The following C2orf74 variants were observed in gnomAD, a reference collection of about 807,000 sequenced individuals.
The protein encoded by C2orf74 is DPM1 ER membrane anchor 1, also known as uncharacterized protein C2orf74.
Under a neutral mutation model 17.9 loss-of-function variants are expected in C2orf74, and 14 were observed. The observed-to-expected ratio is 0.78, with a 90% confidence interval of 0.52 to 1.22. The LOEUF is 1.22. Among genes scored for constraint, C2orf74 ranks in the 50% most tolerant of loss-of-function variants. The pLI is 0.00. For missense variants in C2orf74, 217 were observed against 218.4 expected, an observed-to-expected ratio of 0.99 and a Z score of 0.04; for synonymous variants, 79 against 72.6, an observed-to-expected ratio of 1.09 and a Z score of -0.44.
chr2:61,158,067 C>A, upstream of C2orf74: 1 of 460,622 alleles, frequency 2.2e-6, no homozygotes, highest in Non-Finnish European at 4.5e-6. Flanking sequence ...TATCTGACCC[C>A]AACATGGCAG....
intron 1 of C2orf74, among the ~76,000 whole-genome samples, chr2:61,155,501 G>C (rs1685364418): frequency 7.6e-6 from 1 of 130,884 alleles, no homozygotes. Flanking sequence ...AAGAAATCAA[G>C]GCTTTTTGTT....
intron 1 of C2orf74, among the ~76,000 whole-genome samples, chr2:61,147,753 G>A (rs1685112430): frequency 6.6e-6 from 1 of 151,946 alleles, no homozygotes; most frequent in Non-Finnish European, 1.5e-5. Context: ...ACCAGTCTGT[G>A]GGTTGCCTTT....
chr2:61,149,574 CTTTTTTTTTT>C (rs70959895), intron 1 of C2orf74, among the ~76,000 whole-genome samples: 4 of 79,998 alleles, frequency 5.0e-5, no homozygotes, highest in Admixed American at 2.9e-4. Context: ...GGGCGCCTTT[CTTTTTTTTTT>C]TTTTTTTTTT....
At chr2:61,164,244 G>T in intron 4 of C2orf74, 110 bp from the exon 5 acceptor site, 2 of 876,734 alleles carry the variant, frequency 2.3e-6, no homozygotes. Context: ...ATATCATTTA[G>T]AAATGCTTTT....
intron 1 of C2orf74, among the ~76,000 whole-genome samples, chr2:61,152,777 G>A (rs1291590957): frequency 6.7e-6 from 1 of 148,960 alleles, no homozygotes; most frequent in African/African-American, 2.5e-5. Flanking sequence ...GAACCTGGGA[G>A]GAGGAGGATG....
chr2:61,160,612 G>A (rs1203648753), upstream of C2orf74, among the ~76,000 whole-genome samples: 3 of 151,716 alleles, frequency 2.0e-5, no homozygotes, highest in Admixed American at 6.6e-5. Flanking sequence ...AGGTTCAAGC[G>A]ATTTTCCTGC....
At chr2:61,154,444 C>T (rs1287136387) in intron 1 of C2orf74, among the ~76,000 whole-genome samples, 1 of 151,980 alleles carries the variant, frequency 6.6e-6, no homozygotes, top group Admixed American at 6.6e-5. Flanking sequence ...CCAAAAAAGA[C>T]ATTAGGTAAA....
chr2:61,146,178 A>G (rs1369594052), intron 1 of C2orf74, among the ~76,000 whole-genome samples: 1 of 152,250 alleles, frequency 6.6e-6, no homozygotes, highest in South Asian at 2.1e-4. Flanking sequence ...CATACACACA[A>G]TGGAACATTA....
upstream of C2orf74, among the ~76,000 whole-genome samples, chr2:61,159,998 A>G (rs72884937): frequency 0.012 from 1,821 of 152,274 alleles, 46 homozygotes; most frequent in African/African-American, 0.041. Flanking sequence ...TCCCTGCAGT[A>G]CCTGCTAACC....
chr2:61,145,227 GTCA>G (rs1685033092), intron 1 of C2orf74: 1 of 152,184 alleles, frequency 6.6e-6, no homozygotes, highest in Admixed American at 6.6e-5. Flanking sequence ...GAGTTTTAGC[GTCA>G]TCTTTTGTCC....
At chr2:61,151,746 T>C (rs1685234461) in intron 1 of C2orf74, 1 of 152,212 alleles carries the variant, frequency 6.6e-6, no homozygotes, top group African/African-American at 2.4e-5. Flanking sequence ...AAGCCACATT[T>C]GTTTTATGAC....
intron 2 of C2orf74, 69 bp from the exon 3 acceptor site, chr2:61,162,773 G>C: frequency 1.5e-6 from 2 of 1,326,308 alleles, no homozygotes; most frequent in South Asian, 2.5e-5. Flanking sequence ...TAAACGTGAA[G>C]TTTCTATACC....
At chr2:61,159,037 G>T (rs766854106), upstream of C2orf74, among the ~76,000 whole-genome samples, 1 of 152,004 alleles carries the variant, frequency 6.6e-6, no homozygotes, top group Non-Finnish European at 1.5e-5. Flanking sequence ...TCACTCTGTC[G>T]CCAGGCTGGA....
intron 1 of C2orf74, among the ~76,000 whole-genome samples, chr2:61,153,988 C>T (rs1251984404): frequency 6.6e-5 from 10 of 152,074 alleles, no homozygotes; most frequent in Admixed American, 6.6e-4. Flanking sequence ...CCTGTAATCC[C>T]AGCACTTTAA....
intron 4 of C2orf74, among the ~76,000 whole-genome samples, chr2:61,163,581 A>G (rs1014231895): frequency 1.3e-5 from 2 of 151,766 alleles, no homozygotes; most frequent in Non-Finnish European, 2.9e-5. Flanking sequence ...CAGCCTGGTG[A>G]CAGAGGGAGA....
chr2:61,162,779 A>G (rs1219398914), intron 2 of C2orf74, 63 bp from the exon 3 acceptor site: 15 of 1,363,176 alleles, frequency 1.1e-5, no homozygotes, highest in Non-Finnish European at 1.5e-5. Context: ...TGAAGTTTCT[A>G]TACCACACCT....
upstream of C2orf74, chr2:61,157,989 A>G (rs146656688): frequency 1.2e-3 from 546 of 471,234 alleles, 7 homozygotes; most frequent in Middle Eastern, 2.6e-3. Context: ...TGGCCACCAT[A>G]GCAAAGAAGT....
chr2:61,159,539 G>A (rs1479348694), upstream of C2orf74: 7 of 161,844 alleles, frequency 4.3e-5, no homozygotes, highest in Admixed American at 1.9e-4. Flanking sequence ...CAAATGATGC[G>A]CCCACCTTGG....
upstream of C2orf74, among the ~76,000 whole-genome samples, chr2:61,161,483 GATA>G (rs1358915417): frequency 6.6e-6 from 1 of 152,194 alleles, no homozygotes; most frequent in Non-Finnish European, 1.5e-5. Flanking sequence ...CAGTAGAGAT[GATA>G]ATATGTTTAT....
Sources: allele counts gnomAD v4.1 joint callset (sites outside exome capture counted in the v4.1 genomes callset), GRCh38; gene constraint gnomAD v4.1.1; transcripts MANE v1.5; gene names NCBI Gene and HGNC (gene_info 2026-07-23, HGNC 2026-07-21).